Variants in USP6NL observed in about 807,000 individuals in gnomAD.
USP6NL encodes the protein USP6 N-terminal-like protein.
Under a neutral mutation model 61.9 loss-of-function variants are expected in USP6NL, and 26 were observed. The ratio of observed to expected loss-of-function variants is 0.42; its 90% confidence interval spans 0.31 to 0.58. The LOEUF (loss-of-function observed/expected upper bound fraction) is 0.58, where lower values mean the gene tolerates loss of function less well. Among genes scored for constraint, USP6NL ranks in the 20% least tolerant of loss-of-function variants. USP6NL has a pLI of 0.16. For synonymous variants in USP6NL, 432 were observed against 390.1 expected, an observed-to-expected ratio of 1.11 and a Z score of -1.27; for missense variants, 1,114 against 1,034.3, an observed-to-expected ratio of 1.08 and a Z score of -1.06.
rs199834663 is a variant in USP6NL, at chr10:11,481,808, G to A, written c.1040C>T (p.Thr347Ile). Residue 347 changes from threonine to isoleucine, a missense_variant, in exon 14 of 15, where the codon ACA (threonine) becomes ATA (isoleucine). Physicochemically the swap from Thr to Ile is moderately conservative, Grantham distance 89. Transcript: ENST00000609104. The surrounding 1 kb of genome is among the most constrained non-coding windows in gnomAD (Gnocchi z 4.4). ...FVIEQLQISM[T>I]ELKRAKLDLP... Reference sequence around the variant, plus strand: ...GTCTAACTTTGCCCGCTTTAGTTCTGTCATAGAAATCTGAAGTTGCTCTAT... The same window carrying A: ...GTCTAACTTTGCCCGCTTTAGTTCTATCATAGAAATCTGAAGTTGCTCTAT... 2.7e-5 allele frequency: 43 copies of A among 1,613,170 alleles called. No individual in the cohort carries two copies. The highest frequency in any genetic ancestry group is 2.3e-4 in the Admixed American group (14 of 59,956).
chr10:11,479,829 C>T (rs1459923588), intron 14 of USP6NL, among the ~76,000 whole-genome samples: 6 of 152,130 alleles, frequency 3.9e-5, no homozygotes, highest in Admixed American at 3.3e-4. Flanking sequence ...CCCTCCTCGG[C>T]CTCCTGAAGT....
chr10:11,465,664 G>C lies in USP6NL; in HGVS notation c.1079-1815C>G, dbSNP rs1418929816. Among the ~76,000 whole-genome samples the C allele has an allele frequency of 6.6e-6, 1 of 152,188 alleles. No homozygotes were observed. The highest frequency in any genetic ancestry group is 2.4e-5 in the African/African-American group (1 of 41,444). On this transcript the variant is annotated intron_variant, in intron 14 of 14. Transcript: ENST00000609104. This position sits in a 1 kb window ranked among gnomAD's most constrained non-coding sequence, Gnocchi z 4.5. The stretch of plus-strand genomic sequence containing the variant: ...TCCCCACACCGTGCTGGCAGCGGAA[G>C]CACCCAAGCTGCTCTCAGTGCTGCC...
At chr10:11,541,289 T>A (rs914030487) in intron 2 of USP6NL, among the ~76,000 whole-genome samples, 5 of 117,762 alleles carry the variant, frequency 4.2e-5, no homozygotes, top group South Asian at 3.0e-4. Flanking sequence ...ATGTCACTCT[T>A]CAGGAGACCA....
rs952256391 is a variant in USP6NL, at chr10:11,537,499, A to G, written c.5-9932T>C. On this transcript the variant is annotated intron_variant, in intron 2 of 14. Coordinates refer to ENST00000609104, the MANE Select transcript of USP6NL (RefSeq NM_014688.5). This position sits in a 1 kb window ranked among gnomAD's most constrained non-coding sequence, Gnocchi z 5.1. Reference sequence around the variant, plus strand: ...AAATGTTCTTCAATTTTAACTTTTCATTATCAGCACAAATATGATTTATAC... The same window carrying G: ...AAATGTTCTTCAATTTTAACTTTTCGTTATCAGCACAAATATGATTTATAC... 3.9e-5 allele frequency among the ~76,000 whole-genome samples: 6 copies of G among 152,234 alleles called. No individual in the cohort carries two copies. Among genetic ancestry groups the G allele is most frequent in the African/African-American group, 1.4e-4 (6 of 41,458 alleles).
chr10:11,498,390 A>T (rs1180562774), intron 7 of USP6NL, among the ~76,000 whole-genome samples: 1 of 151,296 alleles, frequency 6.6e-6, no homozygotes, highest in Non-Finnish European at 1.5e-5. Flanking sequence ...CAAGAGAGAA[A>T]AATAAAAATG....
At chr10:11,546,390 CA>C (rs1171598337) in intron 2 of USP6NL, among the ~76,000 whole-genome samples, 2 of 152,050 alleles carry the variant, frequency 1.3e-5, no homozygotes, top group Non-Finnish European at 2.9e-5. Flanking sequence ...AAATAAGAGA[CA>C]ATTTGGATTT....
At chr10:11,516,498 C>T (rs577680223) in intron 5 of USP6NL, among the ~76,000 whole-genome samples, 2 of 152,300 alleles carry the variant, frequency 1.3e-5, no homozygotes, top group African/African-American at 4.8e-5. Flanking sequence ...ACCTGAAGAA[C>T]TTGGGGGAAA....
At chr10:11,516,567 T>C (rs1253096015) in intron 5 of USP6NL, among the ~76,000 whole-genome samples, 3 of 152,144 alleles carry the variant, frequency 2.0e-5, no homozygotes, top group Admixed American at 2.0e-4. Flanking sequence ...TAAGTTCTCA[T>C]TCCACTTTAA....
intron 14 of USP6NL, among the ~76,000 whole-genome samples, chr10:11,464,078 CA>C (rs1416629311): frequency 6.6e-5 from 10 of 152,054 alleles, no homozygotes; most frequent in African/African-American, 2.4e-4. Context: ...TAAAACATAC[CA>C]ACACTCACAA....
rs1838562741 is a variant in USP6NL, at chr10:11,602,347, T to C, written c.-83-4630A>G. The stretch of plus-strand genomic sequence containing the variant: ...TTTTAAATTTAAAACAGGCAGATAA[T>C]AACATAGATAACAGGAAGGATTTAC... On this transcript the variant is annotated intron_variant, in intron 1 of 14. Transcript: ENST00000609104. This position sits in a 1 kb window ranked among gnomAD's most constrained non-coding sequence, Gnocchi z 4.8. 6.6e-6 allele frequency among the ~76,000 whole-genome samples: 1 copy of C among 152,126 alleles called. No homozygotes were observed. Among genetic ancestry groups the C allele is most frequent in the Non-Finnish European group, 1.5e-5 (1 of 68,010 alleles).
intron 7 of USP6NL, among the ~76,000 whole-genome samples, chr10:11,493,523 G>A (rs1321016116): frequency 1.3e-5 from 2 of 152,214 alleles, no homozygotes; most frequent in East Asian, 3.9e-4. Flanking sequence ...TGGCACTGCT[G>A]AACTATGTGA....
chr10:11,471,450 A>G (rs943504745), intron 14 of USP6NL, among the ~76,000 whole-genome samples: 1 of 152,168 alleles, frequency 6.6e-6, no homozygotes, highest in African/African-American at 2.4e-5. Context: ...TAGAAATACC[A>G]TTTGACCCAG....
chr10:11,525,398 AATCT>A lies in USP6NL; in HGVS notation c.139_142del (p.Arg47LeufsTer31). On this transcript the variant is annotated frameshift_variant, in exon 4 of 15. Transcript: ENST00000609104. LOFTEE classifies it high-confidence loss of function. This position sits in a 1 kb window ranked among gnomAD's most constrained non-coding sequence, Gnocchi z 5.0. The stretch of plus-strand genomic sequence containing the variant: ...CTATGTGACTTACTGTAAAAAGCCA[AATCT>A]ATCTGTGACTTTGTAAACAAGGTAA... 4 of 1,600,602 alleles carry A rather than the reference AATCT, an allele frequency of 2.5e-6. No individual in the cohort carries two copies. The highest frequency in any genetic ancestry group is 3.4e-6 in the Non-Finnish European group (4 of 1,176,640).
chr10:11,517,983 T>C (rs1048787059), intron 5 of USP6NL, among the ~76,000 whole-genome samples: 2 of 152,216 alleles, frequency 1.3e-5, no homozygotes, highest in Non-Finnish European at 2.9e-5. Context: ...AGTTCCTTGC[T>C]ATGTATAACG....
At chr10:11,583,355 A>AT (rs202083504) in intron 2 of USP6NL, among the ~76,000 whole-genome samples, 27,145 of 150,704 alleles carry the variant, frequency 0.18, 2,894 homozygotes, top group South Asian at 0.24. Flanking sequence ...GGCCGGCTAA[A>AT]TTTTTTTTTG....
At chr10:11,466,311 G>A (rs1832449861) in intron 14 of USP6NL, among the ~76,000 whole-genome samples, 1 of 152,232 alleles carries the variant, frequency 6.6e-6, no homozygotes, top group Non-Finnish European at 1.5e-5. Flanking sequence ...GAACACTGTA[G>A]TGGAGAGTGT....
chr10:11,534,340 T>C (rs1413144141), intron 2 of USP6NL, among the ~76,000 whole-genome samples: 1 of 152,210 alleles, frequency 6.6e-6, no homozygotes. Context: ...TTTCCCTTTT[T>C]AGCAAGGGTC....
chr10:11,537,546 C>T lies in USP6NL; in HGVS notation c.5-9979G>A, dbSNP rs1409451723. On this transcript the variant is annotated intron_variant, in intron 2 of 14. Transcript: ENST00000609104. This position sits in a 1 kb window ranked among gnomAD's most constrained non-coding sequence, Gnocchi z 5.1. ...ATACCTTCCCATTCAAAATATTTCT[C>T]GTATCACCAATAGCATTATTACCAT... Among the ~76,000 whole-genome samples the T allele has an allele frequency of 1.3e-5, 2 of 152,224 alleles. No homozygotes were observed. The highest frequency in any genetic ancestry group is 2.9e-5 in the Non-Finnish European group (2 of 68,040).
chr10:11,577,605 A>G (rs1489093468), intron 2 of USP6NL, among the ~76,000 whole-genome samples: 1 of 152,012 alleles, frequency 6.6e-6, no homozygotes, highest in Non-Finnish European at 1.5e-5. Flanking sequence ...GATTCAAGCA[A>G]TTCTCCTGCT....
Sources: gnomAD v4.1 joint callset for allele counts (sites outside exome capture counted in the v4.1 genomes callset) on GRCh38, gnomAD v4.1.1 for gene constraint, Gnocchi (gnomAD v3.1) non-coding constraint, MANE v1.5 for transcripts, NCBI Gene and HGNC (gene_info 2026-07-23, HGNC 2026-07-21) for gene names.